RLF: variants seen among roughly 807,000 people sequenced by gnomAD.
RLF encodes zinc finger protein Rlf.
In RLF, 7 loss-of-function variants were observed where a neutral mutation model predicts 162.9. The ratio of observed to expected loss-of-function variants is 0.04; its 90% confidence interval spans 0.02 to 0.08. RLF has a LOEUF of 0.08. Ranked by LOEUF, RLF falls within the 10% of genes least tolerant of loss-of-function variation. The pLI is 1.00. For synonymous variants in RLF, 782 were observed against 791.5 expected (o/e 0.99, Z 0.20); for missense variants, 1,664 against 2,244.7 (o/e 0.74, Z 5.23).
At chr1:40,225,161 A>G (rs745527143) in intron 6 of RLF, among the ~76,000 whole-genome samples, 25 of 152,176 alleles carry the variant, frequency 1.6e-4, no homozygotes, top group Non-Finnish European at 3.1e-4. Flanking sequence ...AAATGTGACA[A>G]TAAAGTTAAA....
Position 40,240,402 on chromosome 1 carries a change from AT to A in RLF, c.5703del (p.Pro1902GlnfsTer10). The A allele has an allele frequency of 6.2e-7, 1 of 1,613,858 alleles. No individual in the cohort carries two copies. Among genetic ancestry groups the A allele is most frequent in the South Asian group, 1.1e-5 (1 of 90,978 alleles). On this transcript the variant is annotated frameshift_variant, in exon 8 of 8. Transcript: ENST00000372771. LOFTEE classifies it high-confidence loss of function. ...AGTTTTCCACACCAATTTTAGACTTATTTCCAACAAAAAAGACAGATGAGCT... is the reference window on the plus strand; with the variant it reads ...AGTTTTCCACACCAATTTTAGACTTATTCCAACAAAAAAGACAGATGAGCT... ...SKFSTPILDL[F>X]PTKKTDELCV... is the part of the protein sequence containing the mutation.
rs201333434 is a variant in RLF, at chr1:40,161,601, G to A, written c.202G>A (p.Val68Ile). ...TELREQEVSE[V>I]SSLNYCRSFC... ...GCTGAGGGAGCAAGAGGTGTCGGAG[G>A]TCTCATCTTTGAACTACTGCCGGAG... is the stretch of plus-strand genomic sequence containing the variant. The change falls in exon 1 of 8, where the codon GTC becomes ATC. Residue 68 changes from valine to isoleucine, a missense_variant. Physicochemically the swap from Val to Ile is conservative, Grantham distance 29. Coordinates refer to ENST00000372771, the MANE Select transcript of RLF (RefSeq NM_012421.4). This position sits in a 1 kb window ranked among gnomAD's most constrained non-coding sequence, Gnocchi z 4.4. 182 of 1,613,076 alleles carry A rather than the reference G, an allele frequency of 1.1e-4. No homozygotes were observed. Among genetic ancestry groups the A allele is most frequent in the Admixed American group, 1.7e-5 (1 of 59,872 alleles).
intron 1 of RLF, chr1:40,177,793 G>A (rs1642347624): frequency 6.6e-6 from 1 of 152,042 alleles, no homozygotes; most frequent in African/African-American, 2.4e-5. Context: ...TGGATGGAAA[G>A]TTCTTTAGAT....
chr1:40,184,949 G>A (rs61780443), intron 1 of RLF, among the ~76,000 whole-genome samples: 7 of 151,978 alleles, frequency 4.6e-5, no homozygotes. Flanking sequence ...AAAAATAAGA[G>A]ACCGTGGCTG....
rs1643261596 is a variant in RLF at position 40,239,462 on chromosome 1, A to C, written c.4760A>C (p.Asn1587Thr). ...GCCTATTTAGAGCAACAGATGGAGA[A>C]TCTTGTTGTTTGCGTTAAGTACGGT... Reference protein sequence around the residue: ...SSAYLEQQMENLVVCVKYGTK... With the variant: ...SSAYLEQQMETLVVCVKYGTK... The change falls in exon 8 of 8, where the codon AAT becomes ACT. Residue 1587 changes from asparagine (N) to threonine (T), a missense_variant. Transcript: ENST00000372771. The C allele has an allele frequency of 6.2e-7, 1 of 1,614,018 alleles. No individual in the cohort carries two copies.
At chr1:40,226,120 C>A (rs919332617) in intron 6 of RLF, among the ~76,000 whole-genome samples, 1 of 152,082 alleles carries the variant, frequency 6.6e-6, no homozygotes, top group African/African-American at 2.4e-5. Flanking sequence ...TTAGAAATTT[C>A]GCTCAGAGAC....
At chr1:40,212,113 G>A (rs1642872726) in intron 5 of RLF, among the ~76,000 whole-genome samples, 1 of 152,130 alleles carries the variant, frequency 6.6e-6, no homozygotes, top group African/African-American at 2.4e-5. Flanking sequence ...CTTCACCTGA[G>A]TTCAGGAGAA....
At chr1:40,188,282 A>G (rs949873112) in intron 1 of RLF, among the ~76,000 whole-genome samples, 9 of 152,124 alleles carry the variant, frequency 5.9e-5, no homozygotes. Context: ...ATTTGGACAA[A>G]TTTTTAGTGA....
Position 40,238,106 on chromosome 1 carries a change from A to C in RLF, c.3404A>C (p.Lys1135Thr). 1 of 1,614,058 alleles carries C rather than the reference A, an allele frequency of 6.2e-7. No homozygotes were observed. The highest frequency in any genetic ancestry group is 8.5e-7 in the Non-Finnish European group (1 of 1,179,980). Residue 1135 changes from lysine (K) to threonine (T), a missense_variant, in exon 8 of 8, where the codon AAA becomes ACA. Lys to Thr is a moderately conservative substitution (Grantham distance 78). Around this residue, in one of 15 missense-constraint regions of RLF, gnomAD observed 30 missense variants for 116.5 expected, o/e 0.26. Coordinates refer to ENST00000372771, the MANE Select transcript of RLF (RefSeq NM_012421.4). The surrounding 1 kb of genome is among the most constrained non-coding windows in gnomAD (Gnocchi z 5.2). ...KPFFCELQGCKYEFVTREALL... is the reference protein window; with the variant it reads ...KPFFCELQGCTYEFVTREALL... ...TTTTTCTGTGAGCTTCAAGGATGCA[A>C]ATATGAATTTGTGACCAGAGAGGCT...
intron 7 of RLF, among the ~76,000 whole-genome samples, chr1:40,232,899 A>C (rs1643170642): frequency 6.6e-6 from 1 of 151,954 alleles, no homozygotes; most frequent in Admixed American, 6.6e-5. Flanking sequence ...GCAGTGGTAG[A>C]TACAGGGTCT....
chr1:40,232,789 C>G (rs1643168923), intron 7 of RLF, among the ~76,000 whole-genome samples: 4 of 152,166 alleles, frequency 2.6e-5, no homozygotes, highest in Non-Finnish European at 2.9e-5. Flanking sequence ...ATTACAGCTT[C>G]AAACTCCTTG....
At chr1:40,183,761 A>G (rs1342258657) in intron 1 of RLF, among the ~76,000 whole-genome samples, 1 of 152,134 alleles carries the variant, frequency 6.6e-6, no homozygotes, top group Non-Finnish European at 1.5e-5. Context: ...AAAAATTCCC[A>G]AAAGACAACT....
intron 7 of RLF, among the ~76,000 whole-genome samples, chr1:40,235,369 A>G (rs1316147088): frequency 6.6e-6 from 1 of 152,124 alleles, no homozygotes; most frequent in Non-Finnish European, 1.5e-5. Flanking sequence ...AATTTCTTAA[A>G]TTGAATTTAA....
intron 4 of RLF, 80 bp downstream of exon 4, chr1:40,195,844 T>A: frequency 1.5e-6 from 2 of 1,294,628 alleles, no homozygotes; most frequent in Non-Finnish European, 2.2e-6. Context: ...TTTGGGAATT[T>A]AACTTGTGTA....
intron 1 of RLF, among the ~76,000 whole-genome samples, chr1:40,188,351 CA>C (rs1255243282): frequency 6.6e-6 from 1 of 152,100 alleles, no homozygotes; most frequent in African/African-American, 2.4e-5. Context: ...GGTTTAGATT[CA>C]ATACTCACCA....
In RLF at chr1:40,237,486, T is replaced by C; in HGVS notation, c.2784T>C (p.Ser928=). 6.2e-7 allele frequency: 1 copy of C among 1,614,146 alleles called. No individual in the cohort carries two copies. Among genetic ancestry groups the C allele is most frequent in the Non-Finnish European group, 8.5e-7 (1 of 1,180,010 alleles). ...HSETMQDVLL[S]NEKVFGPSSL... is the part of the protein sequence containing the mutation. ...AAACTATGCAGGATGTATTGTTATCTAATGAGAAAGTCTTTGGGCCCTCCA... is the reference window on the plus strand; with the variant it reads ...AAACTATGCAGGATGTATTGTTATCCAATGAGAAAGTCTTTGGGCCCTCCA... Residue 928 remains serine, a synonymous_variant, in exon 8 of 8, where the codon TCT becomes TCC. Transcript: ENST00000372771. This position sits in a 1 kb window ranked among gnomAD's most constrained non-coding sequence, Gnocchi z 4.4.
At chr1:40,224,873 G>A (rs1449117272) in intron 6 of RLF, among the ~76,000 whole-genome samples, 4 of 151,564 alleles carry the variant, frequency 2.6e-5, no homozygotes. Context: ...TGTAATCCCA[G>A]CTACTCGGGA....
Position 40,237,689 on chromosome 1 carries a change from C to T in RLF, c.2987C>T (p.Ser996Phe), listed in dbSNP as rs1220225308. 6.2e-7 allele frequency: 1 copy of T among 1,614,112 alleles called. No individual in the cohort carries two copies. The highest frequency in any genetic ancestry group is 8.5e-7 in the Non-Finnish European group (1 of 1,179,986). ...KKIKTKDLFPSLGNEHNQTTE... is the reference protein window; with the variant it reads ...KKIKTKDLFPFLGNEHNQTTE... ...ATAAAGACGAAAGATCTGTTTCCCT[C>T]TTTGGGTAATGAACATAATCAGACA... is the stretch of plus-strand genomic sequence containing the variant. The change falls in exon 8 of 8, where the codon TCT becomes TTT. Residue 996 changes from serine to phenylalanine, a missense_variant. Transcript: ENST00000372771. The surrounding 1 kb of genome is among the most constrained non-coding windows in gnomAD (Gnocchi z 4.4).
At chr1:40,187,966 A>G (rs1642504024) in intron 1 of RLF, among the ~76,000 whole-genome samples, 1 of 152,208 alleles carries the variant, frequency 6.6e-6, no homozygotes, top group African/African-American at 2.4e-5. Flanking sequence ...CTCTGAAAAT[A>G]AGACTTGCCT....
Sources: gnomAD v4.1 joint callset for allele counts (sites outside exome capture counted in the v4.1 genomes callset) on GRCh38, gnomAD v4.1.1 for gene constraint, gnomAD v4.1.1 regional missense constraint, Gnocchi (gnomAD v3.1) non-coding constraint, MANE v1.5 for transcripts, NCBI Gene and HGNC (gene_info 2026-07-23, HGNC 2026-07-21) for gene names.